The following AMPH variants were observed in gnomAD, a reference collection of about 807,000 sequenced individuals.
AMPH encodes the protein amphiphysin.
Under a neutral mutation model 99.1 loss-of-function variants are expected in AMPH, and 49 were observed. That is an observed-to-expected ratio of 0.49 (90% CI 0.39 to 0.63). The LOEUF (loss-of-function observed/expected upper bound fraction) is 0.63. Among genes scored for constraint, AMPH ranks in the 20% least tolerant of loss-of-function variants. The pLI is 0.00. For missense variants in AMPH, 759 were observed against 863.4 expected, an observed-to-expected ratio of 0.88 and a Z score of 1.52; for synonymous variants, 314 against 317.3, an observed-to-expected ratio of 0.99 and a Z score of 0.11.
At chr7:38,540,688 C>A (rs76661431) in intron 1 of AMPH, among the ~76,000 whole-genome samples, 2,279 of 13,680 alleles carry the variant, frequency 0.17, 127 homozygotes, top group African/African-American at 0.32. Context: ...GGTGTGACCC[C>A]AAGCAAAAAA....
rs530082456 is a variant in AMPH, at chr7:38,409,556, C to T, written c.1398+8269G>A. ...TCCTTTCAAAGCTGGCACTTGATACCGCAAATTTCATTTGACACATTTATG... is the reference window on the plus strand; with the variant it reads ...TCCTTTCAAAGCTGGCACTTGATACTGCAAATTTCATTTGACACATTTATG... On this transcript the variant is annotated intron_variant, in intron 17 of 20. Coordinates refer to ENST00000356264, the MANE Select transcript of AMPH (RefSeq NM_001635.4). 5.9e-5 allele frequency among the ~76,000 whole-genome samples: 9 copies of T among 152,260 alleles called. No homozygotes were observed. The South Asian group carries it at 1.9e-3, about 32-fold the overall frequency.
At chr7:38,404,327 C>A (rs533580322) in intron 17 of AMPH, among the ~76,000 whole-genome samples, 1 of 152,108 alleles carries the variant, frequency 6.6e-6, no homozygotes, top group South Asian at 2.1e-4. Context: ...TCCTTAAGTG[C>A]CACCTACTGG....
At chr7:38,622,889 C>T (rs1794121392) in intron 1 of AMPH, among the ~76,000 whole-genome samples, 1 of 152,130 alleles carries the variant, frequency 6.6e-6, no homozygotes, top group African/African-American at 2.4e-5. Flanking sequence ...GAGAGAGAGG[C>T]TTCCAGCTCC....
At chr7:38,559,135 A>G (rs1296296243) in intron 1 of AMPH, among the ~76,000 whole-genome samples, 2 of 152,236 alleles carry the variant, frequency 1.3e-5, no homozygotes, top group Non-Finnish European at 2.9e-5. Flanking sequence ...AGGGACCCAC[A>G]AAGTGTGCAG....
intron 5 of AMPH, among the ~76,000 whole-genome samples, chr7:38,477,772 T>C (rs1005795139): frequency 2.0e-5 from 3 of 151,754 alleles, no homozygotes; most frequent in Non-Finnish European, 2.9e-5. Context: ...TACCCACAGG[T>C]GCAAGCAAAG....
At chr7:38,503,833 A>G in intron 2 of AMPH, 129 bp from the exon 3 acceptor site, 1 of 866,062 alleles carries the variant, frequency 1.2e-6, no homozygotes, top group Non-Finnish European at 1.8e-6. Context: ...ATATGTGGAC[A>G]CAGACTAAAC....
chr7:38,562,474 T>C (rs539879200), intron 1 of AMPH, among the ~76,000 whole-genome samples: 1 of 152,284 alleles, frequency 6.6e-6, no homozygotes, highest in East Asian at 1.9e-4. Flanking sequence ...TATCAGCTAC[T>C]GGCACAGCAG....
chr7:38,479,929 C>T (rs1788228025), intron 5 of AMPH, among the ~76,000 whole-genome samples: 1 of 151,948 alleles, frequency 6.6e-6, no homozygotes, highest in Admixed American at 6.6e-5. Context: ...TTTAATTAGA[C>T]TGAGGCAAGC....
intron 1 of AMPH, among the ~76,000 whole-genome samples, chr7:38,605,175 C>T (rs10271913): frequency 0.57 from 87,125 of 151,736 alleles, 25,706 homozygotes; most frequent in African/African-American, 0.66. Flanking sequence ...GAGGCAGAGC[C>T]ACTCAGAGCA....
rs188490881 is a variant in AMPH at position 38,465,472 on chromosome 7, C to A, written c.744G>T (p.Ala248=). The stretch of plus-strand genomic sequence containing the variant: ...TCCAATGAGCAGGGGCCTACCTGGG[C>A]GCTCCTTGGATGGTGAAGGCCTTGT... The part of the protein sequence containing the change: ...HADKAFTIQG[A]PSDSGPLRIA... Residue 248 remains alanine, a synonymous_variant, in exon 9 of 21, where the codon GCG becomes GCT. Transcript: ENST00000356264. 7.6e-6 allele frequency: 12 copies of A among 1,573,440 alleles called. No homozygotes were observed. The Admixed American group carries it at 1.7e-4, about 22-fold the overall frequency.
At chr7:38,531,821 T>G (rs914075063) in intron 2 of AMPH, among the ~76,000 whole-genome samples, 1 of 152,166 alleles carries the variant, frequency 6.6e-6, no homozygotes, top group South Asian at 2.1e-4. Flanking sequence ...ATATATATAC[T>G]CGTAGAAAAA....
intron 1 of AMPH, among the ~76,000 whole-genome samples, chr7:38,571,085 TC>T (rs1409622741): frequency 2.2e-5 from 1 of 45,066 alleles, no homozygotes; most frequent in Admixed American, 3.5e-4. Context: ...ATATATATAT[TC>T]ATATATTGAA....
At chr7:38,422,580 A>G (rs1785621303) in intron 15 of AMPH, 103 bp from the exon 16 acceptor site, 2 of 765,146 alleles carry the variant, frequency 2.6e-6, no homozygotes, top group Non-Finnish European at 2.1e-6. Context: ...CTATCTATCT[A>G]TCTATCTATC....
chr7:38,472,510 G>A (rs1352076399), intron 7 of AMPH, among the ~76,000 whole-genome samples: 3 of 152,142 alleles, frequency 2.0e-5, no homozygotes, highest in Non-Finnish European at 4.4e-5. Flanking sequence ...GAAATGGAGA[G>A]ATCTGTAATT....
At chr7:38,511,742 A>G (rs948741753) in intron 2 of AMPH, among the ~76,000 whole-genome samples, 5 of 152,364 alleles carry the variant, frequency 3.3e-5, no homozygotes, top group African/African-American at 4.8e-5. Flanking sequence ...AAAGTCTTCA[A>G]TATAAAAATA....
intron 4 of AMPH, among the ~76,000 whole-genome samples, chr7:38,492,660 A>G (rs1788767075): frequency 6.6e-6 from 1 of 152,188 alleles, no homozygotes; most frequent in Non-Finnish European, 1.5e-5. Flanking sequence ...CAGTTTCTTC[A>G]TCATCACAAG....
chr7:38,404,177 CCCTG>C (rs1784919752), intron 17 of AMPH, among the ~76,000 whole-genome samples: 1 of 151,860 alleles, frequency 6.6e-6, no homozygotes, highest in African/African-American at 2.4e-5. Flanking sequence ...TGAATCACAT[CCCTG>C]CCTATCTAGG....
chr7:38,472,265 C>CAAGGTTGAG (rs200045398), intron 7 of AMPH, among the ~76,000 whole-genome samples: 1,993 of 152,202 alleles, frequency 0.013, 44 homozygotes, highest in African/African-American at 0.045. Flanking sequence ...ATTTCAATTT[C>CAAGGTTGAG]AAGGTTGAGT....
At chr7:38,384,987 A>G in intron 20 of AMPH, 62 bp from the exon 21 acceptor site, 1 of 1,385,752 alleles carries the variant, frequency 7.2e-7, no homozygotes, top group East Asian at 2.3e-5. Context: ...ACACTGCCAC[A>G]ATTAATTAAT....
Sources: gnomAD v4.1 joint callset for allele counts (sites outside exome capture counted in the v4.1 genomes callset) on GRCh38, gnomAD v4.1.1 for gene constraint, MANE v1.5 for transcripts, NCBI Gene and HGNC (gene_info 2026-07-23, HGNC 2026-07-21) for gene names.